Variants in USP30 observed in about 807,000 individuals in gnomAD.
USP30 encodes ubiquitin carboxyl-terminal hydrolase 30.
A neutral mutation model predicts 68.2 loss-of-function variants in USP30; 41 were observed. That is an observed-to-expected ratio of 0.60 (90% CI 0.47 to 0.78). The LOEUF is 0.78. Ranked by LOEUF, USP30 falls within the 30% of genes least tolerant of loss-of-function variation. USP30 has a pLI of 0.00. For synonymous variants in USP30, 229 were observed against 253.7 expected (o/e 0.90, Z 0.93); for missense variants, 522 against 649.4 (o/e 0.80, Z 2.13).
chr12:109,087,444 A>C lies in USP30; in HGVS notation c.*1513A>C, dbSNP rs2041972364. ...GAGGACTCAGTAACTCACTCTCAAC[A>C]GAATATTCTGTGCAGGCTCTCCAGG... On this transcript the variant is annotated 3_prime_UTR_variant, in exon 13 of 13. Coordinates refer to ENST00000257548, the MANE Select transcript of USP30 (RefSeq NM_032663.5). 6.6e-6 allele frequency: 1 copy of C among 152,220 alleles called. No individual in the cohort carries two copies. The highest frequency in any genetic ancestry group is 2.4e-5 in the African/African-American group (1 of 41,436). 9.4% of individuals were successfully genotyped at this position (152,220 alleles called of 1,614,324 possible). A position where few individuals can be genotyped will look rare whatever the true frequency, so the allele number is the denominator to read the frequency against.
At chr12:109,061,500 C>T (rs2041065693) in intron 3 of USP30, among the ~76,000 whole-genome samples, 1 of 151,934 alleles carries the variant, frequency 6.6e-6, no homozygotes, top group African/African-American at 2.4e-5. Flanking sequence ...CATCTGCCTC[C>T]CAGGCCCAAA....
At position 109,083,082 on chromosome 12, in the gene USP30, C is replaced by T. The variant is rs140831073; in HGVS notation, c.1168+20C>T. 164 of 1,566,082 alleles carry T rather than the reference C, an allele frequency of 1.0e-4. 1 individual carries two copies. The East Asian group carries it at 3.4e-3, about 32-fold the overall frequency. Reference sequence around the variant, plus strand: ...CACCAGGTGTGTGCGCGCGAGGAGCCGATGCAGCAGGAATTTTCAGCACAG... The same window carrying T: ...CACCAGGTGTGTGCGCGCGAGGAGCTGATGCAGCAGGAATTTTCAGCACAG... On this transcript the variant is annotated intron_variant, in intron 11 of 12. Coordinates refer to ENST00000257548, the MANE Select transcript of USP30 (RefSeq NM_032663.5).
chr12:109,048,610 C>T (rs1355706087), upstream of USP30, among the ~76,000 whole-genome samples: 4 of 151,506 alleles, frequency 2.6e-5, no homozygotes, highest in Non-Finnish European at 4.4e-5. Flanking sequence ...CGTGGTGGCA[C>T]GCACCTGAAG....
upstream of USP30, among the ~76,000 whole-genome samples, chr12:109,051,455 A>G (rs1416042941): frequency 6.8e-6 from 1 of 146,184 alleles, no homozygotes; most frequent in Non-Finnish European, 1.5e-5. Flanking sequence ...ACGGGGTTTC[A>G]CCATATTGGC....
chr12:109,081,192 T>G, intron 7 of USP30, 142 bp from the exon 8 acceptor site: 1 of 730,950 alleles, frequency 1.4e-6, no homozygotes. Flanking sequence ...TTTAATAGAA[T>G]TTTATTCTAA....
chr12:109,031,252 A>C (rs932864125), intron 3 of USP30, among the ~76,000 whole-genome samples: 3 of 152,232 alleles, frequency 2.0e-5, no homozygotes, highest in African/African-American at 7.2e-5. Flanking sequence ...TACAAATGCT[A>C]CTTTTGTCCA....
At chr12:109,085,097 A>G in intron 12 of USP30, 24 bp downstream of exon 12, 5 of 1,500,970 alleles carry the variant, frequency 3.3e-6, no homozygotes, top group Non-Finnish European at 4.5e-6. Context: ...TACAAGCCCC[A>G]TCTTAGAGCT....
chr12:109,051,790 G>A (rs945526754), upstream of USP30, among the ~76,000 whole-genome samples: 1 of 151,960 alleles, frequency 6.6e-6, no homozygotes, highest in Admixed American at 6.6e-5. Flanking sequence ...AGCTGGTCTC[G>A]AACTCTTGAC....
At chr12:109,045,659 G>A (rs148582798) in intron 3 of USP30, among the ~76,000 whole-genome samples, 2 of 152,276 alleles carry the variant, frequency 1.3e-5, no homozygotes, top group East Asian at 3.9e-4. Context: ...AGGGGCTGTT[G>A]GGAGGATGAA....
intron 1 of USP30, chr12:109,054,043 G>T: frequency 2.2e-6 from 1 of 456,030 alleles, no homozygotes; most frequent in Non-Finnish European, 4.4e-6. Flanking sequence ...TAAAAATGAG[G>T]TAAGATTGTC....
chr12:109,059,952 A>G (rs755603377), intron 3 of USP30: 1 of 152,270 alleles, frequency 6.6e-6, no homozygotes, highest in Admixed American at 6.5e-5. Flanking sequence ...AAAGGAAAGA[A>G]TGTAGATATC....
chr12:109,070,676 CG>C lies in USP30; in HGVS notation c.481-935del, dbSNP rs953047659. ...AAGCAGAGGGCCTGTGTTGTGACCC[CG>C]TTACTCCCGGAAGAGTGAGGGGTGG... is the stretch of plus-strand genomic sequence containing the variant. On this transcript the variant is annotated intron_variant, in intron 4 of 12. Transcript: ENST00000257548. This position sits in a 1 kb window ranked among gnomAD's most constrained non-coding sequence, Gnocchi z 4.0. Among the ~76,000 whole-genome samples, 4 of 152,114 alleles carry C rather than the reference CG, an allele frequency of 2.6e-5. No homozygotes were observed. Among genetic ancestry groups the C allele is most frequent in the African/African-American group, 9.7e-5 (4 of 41,414 alleles).
chr12:109,081,472 G>A, intron 8 of USP30, 79 bp downstream of exon 8: 1 of 1,448,462 alleles, frequency 6.9e-7, no homozygotes, highest in South Asian at 1.2e-5. Flanking sequence ...CATTTTATGT[G>A]GCTCAGGCAC....
intron 7 of USP30, among the ~76,000 whole-genome samples, 199 bp downstream of exon 7, chr12:109,073,731 G>C (rs2041514208): frequency 6.6e-6 from 1 of 152,186 alleles, no homozygotes; most frequent in Admixed American, 6.5e-5. Context: ...CTGCACCAAG[G>C]ACAACAGACC....
In USP30 at chr12:109,082,674, G is replaced by A; in HGVS notation, c.879G>A (p.Lys293=). ...VCDNCTKIEA[K]GTLNGEKVEH... ...TCCTTTTATTTCAGATTGAAGCCAA[G>A]GGAACGTTGAACGGGGAAAAGGTGG... is the stretch of plus-strand genomic sequence containing the variant. Residue 293 remains lysine, a synonymous_variant, in exon 10 of 13, where the codon AAG becomes AAA. Transcript: ENST00000257548. 6.2e-7 allele frequency: 1 copy of A among 1,614,122 alleles called. No individual in the cohort carries two copies. The highest frequency in any genetic ancestry group is 1.3e-5 in the African/African-American group (1 of 75,054).
chr12:109,031,943 T>TC, intron 3 of USP30, among the ~76,000 whole-genome samples: 1 of 151,534 alleles, frequency 6.6e-6, no homozygotes, highest in Non-Finnish European at 1.5e-5. Flanking sequence ...ATCGCTACAT[T>TC]TTTTTTTAAT....
intron 7 of USP30, among the ~76,000 whole-genome samples, chr12:109,077,041 T>C (rs947694163): frequency 2.0e-5 from 3 of 152,180 alleles, no homozygotes; most frequent in Non-Finnish European, 4.4e-5. Flanking sequence ...CAGTGATTGA[T>C]TTTTCTAATG....
At chr12:109,083,924 C>G (rs1040968522) in intron 11 of USP30, among the ~76,000 whole-genome samples, 1 of 152,084 alleles carries the variant, frequency 6.6e-6, no homozygotes, top group Non-Finnish European at 1.5e-5. Flanking sequence ...AGATTAACAT[C>G]GAAAAGAGAT....
At chr12:109,064,247 G>T (rs2041173180) in intron 3 of USP30, among the ~76,000 whole-genome samples, 1 of 152,120 alleles carries the variant, frequency 6.6e-6, no homozygotes, top group Non-Finnish European at 1.5e-5. Context: ...TATCAGATGT[G>T]ATTTGCAAAC....
Sources: gnomAD v4.1 joint callset for allele counts (sites outside exome capture counted in the v4.1 genomes callset) on GRCh38, gnomAD v4.1.1 for gene constraint, Gnocchi (gnomAD v3.1) non-coding constraint, MANE v1.5 for transcripts, NCBI Gene and HGNC (gene_info 2026-07-23, HGNC 2026-07-21) for gene names.